FKBP2: variants seen among roughly 807,000 people sequenced by gnomAD.
FKBP2 encodes peptidyl-prolyl cis-trans isomerase FKBP2.
A neutral mutation model predicts 19.4 loss-of-function variants in FKBP2; 15 were observed. The ratio of observed to expected loss-of-function variants is 0.77; its 90% CI spans 0.52 to 1.19. FKBP2 has a LOEUF of 1.19. Ranked by LOEUF, FKBP2 falls within the 50% of genes most tolerant of loss-of-function variation. The probability of loss-of-function intolerance (pLI) is 0.00; values close to 1 mark genes in which losing one functional copy is unlikely to be tolerated. For synonymous variants in FKBP2, 76 were observed against 74.8 expected, an observed-to-expected ratio of 1.02 and a Z score of -0.08; for missense variants, 170 against 179.0, an observed-to-expected ratio of 0.95 and a Z score of 0.29.
At chr11:64,242,350 C>T in intron 1 of FKBP2, 34 bp from the exon 2 acceptor site, 2 of 1,473,574 alleles carry the variant, frequency 1.4e-6, no homozygotes, top group Non-Finnish European at 1.8e-6. Flanking sequence ...CCCTCCCCCA[C>T]GTTCAGTCGG....
chr11:64,242,350 C>A (rs2030565691), intron 1 of FKBP2, 34 bp from the exon 2 acceptor site: 3 of 1,473,456 alleles, frequency 2.0e-6, no homozygotes, highest in Non-Finnish European at 2.7e-6. Context: ...CCCTCCCCCA[C>A]GTTCAGTCGG....
chr11:64,244,092 A>C lies in FKBP2; in HGVS notation c.*63A>C, dbSNP rs568326806. 4.0e-4 allele frequency: 617 copies of C among 1,556,152 alleles called. 6 individuals carry two copies. In the South Asian group the frequency reaches 5.4e-3, roughly 14 times the overall value. The stretch of plus-strand genomic sequence containing the variant: ...GGGACCAGACTGTTCCAAAAAAAAA[A>C]CAAAAAACAAAAACAAACAAAAAAA... On this transcript the variant is annotated 3_prime_UTR_variant, in exon 6 of 6. Transcript: ENST00000309366.
At chr11:64,243,359 C>A in intron 3 of FKBP2, 48 bp downstream of exon 3, 1 of 1,600,032 alleles carries the variant, frequency 6.2e-7, no homozygotes, top group South Asian at 1.1e-5. Context: ...GCATGGCCAC[C>A]GCCCAGGAGG....
At chr11:64,241,418 G>A (rs1261744099) in intron 1 of FKBP2, among the ~76,000 whole-genome samples, 2 of 152,068 alleles carry the variant, frequency 1.3e-5, no homozygotes, top group African/African-American at 2.4e-5. Context: ...GGAGCTAGGA[G>A]GGTCGGGGGA....
At chr11:64,242,777 C>T (rs1470816259) in intron 2 of FKBP2, among the ~76,000 whole-genome samples, 3 of 152,200 alleles carry the variant, frequency 2.0e-5, no homozygotes, top group Non-Finnish European at 4.4e-5. Flanking sequence ...GCTCTGTCCT[C>T]TTAAAGAACT....
intron 1 of FKBP2, chr11:64,241,538 A>G (rs911263667): frequency 1.3e-5 from 2 of 152,810 alleles, no homozygotes; most frequent in Middle Eastern, 3.4e-3. Context: ...TCAGCCGGTG[A>G]GTGGCGTGGC....
At chr11:64,242,323 G>C (rs2030563699) in intron 1 of FKBP2, 61 bp from the exon 2 acceptor site, 1 of 1,430,310 alleles carries the variant, frequency 7.0e-7, no homozygotes, top group African/African-American at 1.5e-5. Flanking sequence ...ACCTACCCGT[G>C]TTCCATACTC....
chr11:64,244,133 G>T, downstream of FKBP2: 1 of 1,276,150 alleles, frequency 7.8e-7, no homozygotes, highest in South Asian at 1.3e-5. Flanking sequence ...AAAAGCCCAA[G>T]GAGTAAGCCT....
Position 64,243,318 on chromosome 11 carries a change from C to T in FKBP2, c.284+7C>T. 1 of 1,600,810 alleles carries T rather than the reference C, an allele frequency of 6.2e-7. No individual in the cohort carries two copies. Among genetic ancestry groups the T allele is most frequent in the Non-Finnish European group, 8.5e-7 (1 of 1,172,286 alleles). The stretch of plus-strand genomic sequence containing the variant: ...GGGACCAGGGGCTGCTGGGGTGAGT[C>T]ATGGGGGAATGGGCTTGGGAGTGGG... On this transcript the variant is annotated splice_region_variant and intron_variant, in intron 3 of 5. Coordinates refer to ENST00000309366, the MANE Select transcript of FKBP2 (RefSeq NM_004470.4).
At chr11:64,243,347 G>C in intron 3 of FKBP2, 36 bp downstream of exon 3, 1 of 1,598,012 alleles carries the variant, frequency 6.3e-7, no homozygotes. Context: ...GAGTGGGGGC[G>C]TGCATGGCCA....
At position 64,242,411 on chromosome 11, in the gene FKBP2, CCTGACAGTA is replaced by C; in HGVS notation, c.28_36del (p.Thr10_Leu12del). On this transcript the variant is annotated inframe_deletion, in exon 2 of 6. Transcript: ENST00000309366. Reference sequence around the variant, plus strand: ...ACATGAGGCTGAGCTGGTTCCGGGTCCTGACAGTACTGTCCATCTGCCTGAGCGCCGTGG... The same window carrying C: ...ACATGAGGCTGAGCTGGTTCCGGGTCCTGTCCATCTGCCTGAGCGCCGTGG... The C allele has an allele frequency of 1.3e-6, 2 of 1,546,980 alleles. No homozygotes were observed. Among genetic ancestry groups the C allele is most frequent in the East Asian group, 2.5e-5 (1 of 40,074 alleles).
chr11:64,243,418 G>A (rs747039791), intron 3 of FKBP2, 33 bp from the exon 4 acceptor site: 2 of 1,613,614 alleles, frequency 1.2e-6, no homozygotes, highest in Non-Finnish European at 1.7e-6. Context: ...GGCCCTGGGT[G>A]CTGCCATGGG....
chr11:64,242,583 G>T (rs367775863), intron 2 of FKBP2, 25 bp downstream of exon 2: 2 of 1,525,634 alleles, frequency 1.3e-6, no homozygotes, highest in South Asian at 2.5e-5. Context: ...CGGGCCTTTT[G>T]GGAGTGGGTG....
chr11:64,243,186 C>T lies in FKBP2; in HGVS notation c.172-13C>T, dbSNP rs1480475779. ...GTCCCCTCTTCCTCACTGGCCTTCT[C>T]ATGGTTCCACAGGGGAAGCTGGAAG... On this transcript the variant is annotated splice_polypyrimidine_tract_variant and intron_variant, in intron 2 of 5. Transcript: ENST00000309366. 6.2e-7 allele frequency: 1 copy of T among 1,612,916 alleles called. No individual in the cohort carries two copies. Among genetic ancestry groups the T allele is most frequent in the South Asian group, 1.1e-5 (1 of 91,010 alleles).
chr11:64,242,665 C>A, intron 2 of FKBP2, 107 bp downstream of exon 2: 1 of 1,210,916 alleles, frequency 8.3e-7, no homozygotes, highest in Non-Finnish European at 1.1e-6. Context: ...TTGGGCAAGT[C>A]CCCTCTCGCC....
At chr11:64,243,064 T>G (rs1026483010) in intron 2 of FKBP2, 135 bp from the exon 3 acceptor site, 23 of 728,882 alleles carry the variant, frequency 3.2e-5, no homozygotes, top group Admixed American at 1.4e-4. Flanking sequence ...AGAGACTCCA[T>G]CTCAAAAAAC....
chr11:64,241,253 G>C (rs1253752724), intron 1 of FKBP2, 121 bp downstream of exon 1: 2 of 152,434 alleles, frequency 1.3e-5, no homozygotes, highest in Admixed American at 1.3e-4. Flanking sequence ...CGAGGAAATT[G>C]GGGGTGGGGG....
chr11:64,242,641 C>T, intron 2 of FKBP2, 83 bp downstream of exon 2: 6 of 1,424,816 alleles, frequency 4.2e-6, no homozygotes, highest in Non-Finnish European at 5.6e-6. Context: ...TCTCCATAAG[C>T]CAGGTAGGTG....
In FKBP2 at chr11:64,243,851, G is replaced by A; in HGVS notation, c.342G>A (p.Glu114=). The change falls in exon 5 of 6, where the codon GAG becomes GAA. Residue 114 remains glutamate, a synonymous_variant. Transcript: ENST00000309366. ...GTGCATCTTCAACAGGGTATGGAGA[G>A]CGGGGAGCTCCCCCAAAGATTCCAG... ...LVIPSELGYG[E]RGAPPKIPGG... is the part of the protein sequence containing the mutation. 1 of 1,614,156 alleles carries A rather than the reference G, an allele frequency of 6.2e-7. No homozygotes were observed. The highest frequency in any genetic ancestry group is 1.3e-5 in the African/African-American group (1 of 75,034).
Sources: gnomAD v4.1 joint callset for allele counts (sites outside exome capture counted in the v4.1 genomes callset) on GRCh38, gnomAD v4.1.1 for gene constraint, MANE v1.5 for transcripts, NCBI Gene and HGNC (gene_info 2026-07-23, HGNC 2026-07-21) for gene names.